The following NPHP1 variants were observed in gnomAD, a reference collection of about 807,000 sequenced individuals.
NPHP1 encodes the protein nephrocystin-1.
A neutral mutation model predicts 90.4 loss-of-function variants in NPHP1; 70 were observed. The ratio of observed to expected loss-of-function variants is 0.77; its 90% CI spans 0.64 to 0.95. The LOEUF (loss-of-function observed/expected upper bound fraction) is 0.95, where lower values mean the gene tolerates loss of function less well. Ranked by LOEUF, NPHP1 falls within the 40% of genes least tolerant of loss-of-function variation. NPHP1 has a pLI of 0.00. For synonymous variants in NPHP1, 256 were observed against 271.7 expected, an observed-to-expected ratio of 0.94 and a Z score of 0.57; for missense variants, 764 against 795.9, an observed-to-expected ratio of 0.96 and a Z score of 0.48.
intron 19 of NPHP1, 146 bp downstream of exon 19, chr2:110,125,490 GT>G: frequency 8.8e-7 from 1 of 1,141,910 alleles, no homozygotes. Flanking sequence ...CTTGGAATGT[GT>G]TTTTGCAGCC....
chr2:110,202,848 G>A (rs1685661775), intron 1 of NPHP1, among the ~76,000 whole-genome samples: 1 of 152,150 alleles, frequency 6.6e-6, no homozygotes. Flanking sequence ...TTCAGCCACT[G>A]TGGAAAGCAG....
intron 12 of NPHP1, 125 bp from the exon 13 acceptor site, chr2:110,148,151 GC>G: frequency 1.4e-6 from 1 of 732,754 alleles, no homozygotes; most frequent in South Asian, 1.5e-5. Context: ...TGAAGGTGAG[GC>G]CTGGTGGGAG....
At chr2:110,176,908 C>T (rs1379333319) in intron 4 of NPHP1, among the ~76,000 whole-genome samples, 1 of 152,206 alleles carries the variant, frequency 6.6e-6, no homozygotes, top group Non-Finnish European at 1.5e-5. Context: ...ATGCCCTATA[C>T]AGCCCAGGAG....
At chr2:110,152,455 G>A (rs1681548588) in intron 11 of NPHP1, among the ~76,000 whole-genome samples, 1 of 151,946 alleles carries the variant, frequency 6.6e-6, no homozygotes, top group African/African-American at 2.4e-5. Context: ...AGATAGAAGA[G>A]TAAAGTGAGA....
Position 110,161,744 on chromosome 2 carries a change from C to T in NPHP1, c.860-47G>A, listed in dbSNP as rs2271244. 0.33 allele frequency: 455,447 copies of T among 1,368,978 alleles called. 80,554 individuals carry two copies. The highest frequency in any genetic ancestry group is 0.58 in the East Asian group (24,556 of 42,598). The allele number at this position is 1,368,978 out of a possible 1,614,324, so 84.8% of individuals were successfully genotyped here. On this transcript the variant is annotated intron_variant, in intron 9 of 19. Coordinates refer to ENST00000445609, the MANE Select transcript of NPHP1 (RefSeq NM_001128178.3). ...CATTTTCTTACAAAGAAAGAAACTC[C>T]AAATCAAAAATCCATAATGTTATGC...
Position 110,169,806 on chromosome 2 carries a change from C to G in NPHP1, c.522G>C (p.Lys174Asn), listed in dbSNP as rs779294306. ...TAQQVGDLTFKKGEILLVIEK... is the reference protein window; with the variant it reads ...TAQQVGDLTFNKGEILLVIEK... ...TAGGTTTCAGTCTTATTCTACCTAC[C>G]TTAAATGTAAGATCTCCAACTTGCT... Residue 174 changes from lysine (K) to asparagine (N), a missense_variant and splice_region_variant, in exon 5 of 20, where the codon AAG becomes AAC. By Grantham distance (94) the Lys-to-Asn change is moderately conservative. Transcript: ENST00000445609. 4 of 1,607,900 alleles carry G rather than the reference C, an allele frequency of 2.5e-6. No homozygotes were observed. The highest frequency in any genetic ancestry group is 3.4e-6 in the Non-Finnish European group (4 of 1,174,472).
chr2:110,162,956 T>G, intron 9 of NPHP1, 92 bp downstream of exon 9: 1 of 818,020 alleles, frequency 1.2e-6, no homozygotes, highest in South Asian at 1.4e-5. Context: ...CAACATCTTC[T>G]TCAACAATGT....
rs184034112 is a variant in NPHP1 at position 110,193,637 on chromosome 2, C to G, written c.143+7784G>C. Among the ~76,000 whole-genome samples the G allele has an allele frequency of 3.4e-3, 518 of 152,274 alleles. 4 individuals are homozygous for G. The highest frequency in any genetic ancestry group is 5.6e-3 in the Non-Finnish European group (383 of 68,010). Reference sequence around the variant, plus strand: ...AATGAGGATATCCAGGAATTGAACTCAGCTCTGCACCAAGTGGACCTAATA... The same window carrying G: ...AATGAGGATATCCAGGAATTGAACTGAGCTCTGCACCAAGTGGACCTAATA... On this transcript the variant is annotated intron_variant, in intron 2 of 19. Transcript: ENST00000445609.
At chr2:110,193,915 C>T (rs957221788) in intron 2 of NPHP1, among the ~76,000 whole-genome samples, 1 of 152,014 alleles carries the variant, frequency 6.6e-6, no homozygotes. Context: ...CTACTGGATA[C>T]ATAACGAAAT....
intron 2 of NPHP1, among the ~76,000 whole-genome samples, chr2:110,189,490 C>T (rs997247702): frequency 1.1e-4 from 16 of 152,098 alleles, no homozygotes; most frequent in South Asian, 2.1e-4. Context: ...TGCAGACCTT[C>T]GCGGTGAGTG....
chr2:110,196,510 T>C (rs1685177616), intron 2 of NPHP1, among the ~76,000 whole-genome samples: 1 of 152,038 alleles, frequency 6.6e-6, no homozygotes, highest in African/African-American at 2.4e-5. Flanking sequence ...AAACAACAAG[T>C]GCTGGAGAGG....
At chr2:110,177,325 AT>A (rs1259738560) in intron 4 of NPHP1, among the ~76,000 whole-genome samples, 2 of 152,220 alleles carry the variant, frequency 1.3e-5, no homozygotes, top group Non-Finnish European at 1.5e-5. Flanking sequence ...CACCTTCAGC[AT>A]TTTTTCCCAG....
At chr2:110,184,340 TA>T in intron 2 of NPHP1, 1 of 611,328 alleles carries the variant, frequency 1.6e-6, no homozygotes. Flanking sequence ...ATGTCTATTC[TA>T]AGGACCAGCT....
At chr2:110,199,025 A>C (rs1171398199) in intron 2 of NPHP1, among the ~76,000 whole-genome samples, 1 of 152,012 alleles carries the variant, frequency 6.6e-6, no homozygotes, top group African/African-American at 2.4e-5. Flanking sequence ...CTTAAGGAGA[A>C]AAAAAAAGCC....
At chr2:110,126,576 A>G (rs774353462) in intron 18 of NPHP1, 5 of 152,616 alleles carry the variant, frequency 3.3e-5, no homozygotes, top group Non-Finnish European at 7.3e-5. Flanking sequence ...CTGCTGTGCT[A>G]TGGGTCCTTA....
At position 110,201,437 on chromosome 2, in the gene NPHP1, GT is replaced by G; in HGVS notation, c.126del (p.Arg42SerfsTer11). On this transcript the variant is annotated frameshift_variant, in exon 2 of 20. Transcript: ENST00000445609. LOFTEE classifies it high-confidence loss of function. ...QLKEALEPNK[R>X]QHIYQRCIQL... ...ATACTTTACCTTTGATAAATATGTT[GT>G]CTTTTATTGGGTTCTAGAGCTTCTT... 1 of 1,606,760 alleles carries G rather than the reference GT, an allele frequency of 6.2e-7. No individual in the cohort carries two copies. The highest frequency in any genetic ancestry group is 8.5e-7 in the Non-Finnish European group (1 of 1,174,720).
chr2:110,157,627 G>A (rs1420936168), intron 11 of NPHP1, among the ~76,000 whole-genome samples: 1 of 152,012 alleles, frequency 6.6e-6, no homozygotes, highest in Admixed American at 6.6e-5. Flanking sequence ...TAGGTGTCAT[G>A]CCTATACCCC....
intron 16 of NPHP1, among the ~76,000 whole-genome samples, chr2:110,139,204 T>TACACACACACAC (rs35627203): frequency 6.7e-6 from 1 of 148,510 alleles, no homozygotes; most frequent in African/African-American, 2.5e-5. Context: ...ATAGCAAATT[T>TACACACACACAC]ACACACACAC....
chr2:110,160,883 T>TG (rs1682261550), intron 10 of NPHP1, among the ~76,000 whole-genome samples: 1 of 152,228 alleles, frequency 6.6e-6, no homozygotes, highest in Admixed American at 6.5e-5. Flanking sequence ...TAACTTATAT[T>TG]AGACTGGGAC....
Sources: gnomAD v4.1 joint callset for allele counts (sites outside exome capture counted in the v4.1 genomes callset) on GRCh38, gnomAD v4.1.1 for gene constraint, MANE v1.5 for transcripts, NCBI Gene and HGNC (gene_info 2026-07-23, HGNC 2026-07-21) for gene names.